FRMD4A: variants seen among roughly 807,000 people sequenced by gnomAD.
The protein encoded by FRMD4A is FERM domain-containing protein 4A.
A neutral mutation model predicts 129.1 loss-of-function variants in FRMD4A; 29 were observed. The observed-to-expected ratio is 0.22, with a 90% CI of 0.17 to 0.31. The LOEUF (loss-of-function observed/expected upper bound fraction) is 0.31. Among genes scored for constraint, FRMD4A ranks in the 10% least tolerant of loss-of-function variants. The pLI, the probability that FRMD4A is intolerant of heterozygous loss-of-function variation, is 1.00. For synonymous variants in FRMD4A, 634 were observed against 571.6 expected (o/e 1.11, Z -1.56); for missense variants, 1,272 against 1,375.8 (o/e 0.92, Z 1.19).
rs555316062 is a variant in FRMD4A, at chr10:14,246,885, G to A, written c.45+83173C>T. ...AGGGAGTGTGAGACAGGAAGGGAAGGGGTGCCCAGGGACCCAGGCAAGGAA... is the reference window on the plus strand; with the variant it reads ...AGGGAGTGTGAGACAGGAAGGGAAGAGGTGCCCAGGGACCCAGGCAAGGAA... On this transcript the variant is annotated intron_variant, in intron 2 of 24. Coordinates refer to ENST00000357447, the MANE Select transcript of FRMD4A (RefSeq NM_018027.5). Among the ~76,000 whole-genome samples, 4 of 152,216 alleles carry A rather than the reference G, an allele frequency of 2.6e-5. No homozygotes were observed. The East Asian group carries it at 7.7e-4, about 29-fold the overall frequency.
chr10:13,761,992 C>A (rs948365649), intron 7 of FRMD4A, among the ~76,000 whole-genome samples: 2 of 152,172 alleles, frequency 1.3e-5, no homozygotes. Flanking sequence ...CTGGATAGAA[C>A]TGTCGATTTC....
intron 8 of FRMD4A, among the ~76,000 whole-genome samples, chr10:13,753,464 T>C (rs1218270169): frequency 2.0e-5 from 3 of 151,948 alleles, no homozygotes; most frequent in Admixed American, 1.3e-4. Context: ...GCATGAATCA[T>C]AGATAAATCA....
chr10:13,755,762 G>A (rs971224633), intron 8 of FRMD4A, among the ~76,000 whole-genome samples: 13 of 152,172 alleles, frequency 8.5e-5, no homozygotes, highest in Non-Finnish European at 1.9e-4. Context: ...TTTCTTAGCC[G>A]ACACTCACTA....
At chr10:14,161,207 C>A (rs1449695490) in intron 2 of FRMD4A, among the ~76,000 whole-genome samples, 1 of 152,176 alleles carries the variant, frequency 6.6e-6, no homozygotes, top group Non-Finnish European at 1.5e-5. Flanking sequence ...CCACCCGCCT[C>A]GGCCTCCCAA....
intron 2 of FRMD4A, among the ~76,000 whole-genome samples, chr10:14,124,199 CAA>C (rs1184295150): frequency 6.6e-6 from 1 of 152,140 alleles, no homozygotes; most frequent in East Asian, 1.9e-4. Context: ...TCAGGAGACA[CAA>C]GTTTTAATTC....
intron 2 of FRMD4A, among the ~76,000 whole-genome samples, chr10:13,962,170 G>T (rs2095449959): frequency 6.6e-6 from 1 of 152,164 alleles, no homozygotes; most frequent in Non-Finnish European, 1.5e-5. Context: ...TTTATTGAAA[G>T]AGACTACTCC....
chr10:14,156,370 C>T (rs1840602061), intron 2 of FRMD4A, among the ~76,000 whole-genome samples: 1 of 152,220 alleles, frequency 6.6e-6, no homozygotes, highest in African/African-American at 2.4e-5. Context: ...CAGTGACTCT[C>T]ACACTAAAAC....
chr10:13,698,996 G>A (rs1478553736), intron 14 of FRMD4A, among the ~76,000 whole-genome samples: 4 of 59,020 alleles, frequency 6.8e-5, no homozygotes, highest in Non-Finnish European at 1.4e-4. Context: ...TAATGCTATG[G>A]GGCATTTGGT....
chr10:13,694,992 A>G (rs1456646558), intron 14 of FRMD4A, among the ~76,000 whole-genome samples: 2 of 152,172 alleles, frequency 1.3e-5, no homozygotes, highest in Admixed American at 6.5e-5. Flanking sequence ...ACCTAAGTAC[A>G]TGTTGCCCTA....
intron 2 of FRMD4A, among the ~76,000 whole-genome samples, chr10:14,099,778 C>G (rs926993522): frequency 6.6e-6 from 1 of 152,028 alleles, no homozygotes; most frequent in East Asian, 1.9e-4. Flanking sequence ...AATGATGGAG[C>G]CTGATAATTT....
chr10:13,688,314 T>A (rs1303198430), intron 15 of FRMD4A, among the ~76,000 whole-genome samples: 1 of 151,994 alleles, frequency 6.6e-6, no homozygotes, highest in Non-Finnish European at 1.5e-5. Context: ...AAACACCGCA[T>A]GTTCTCACTC....
At chr10:14,325,109 G>A (rs148552562) in intron 2 of FRMD4A, among the ~76,000 whole-genome samples, 71 of 152,256 alleles carry the variant, frequency 4.7e-4, no homozygotes, top group Non-Finnish European at 6.8e-4. Flanking sequence ...ATCTGCAAAC[G>A]CACTTTGAAA....
intron 2 of FRMD4A, among the ~76,000 whole-genome samples, chr10:14,107,214 G>A (rs1463432546): frequency 6.6e-6 from 1 of 152,112 alleles, no homozygotes; most frequent in Non-Finnish European, 1.5e-5. Context: ...GGGAGAGAGG[G>A]AAGGGACAAG....
chr10:13,864,867 G>C (rs577292194), intron 2 of FRMD4A, among the ~76,000 whole-genome samples: 3 of 152,128 alleles, frequency 2.0e-5, no homozygotes, highest in Admixed American at 6.5e-5. Flanking sequence ...GTGAGCCACC[G>C]CACCTGGCCT....
At chr10:13,666,788 C>T (rs1205676835) in intron 17 of FRMD4A, among the ~76,000 whole-genome samples, 2 of 152,164 alleles carry the variant, frequency 1.3e-5, no homozygotes, top group Non-Finnish European at 2.9e-5. Flanking sequence ...ATGCACGGGC[C>T]TCTGACTCTC....
intron 2 of FRMD4A, among the ~76,000 whole-genome samples, chr10:14,124,608 G>A (rs144656674): frequency 1.2e-4 from 19 of 152,198 alleles, no homozygotes; most frequent in Admixed American, 8.5e-4. Context: ...CCCAGGAGGC[G>A]GAGGTTGCAG....
chr10:13,720,723 A>G (rs1380528663), intron 12 of FRMD4A, among the ~76,000 whole-genome samples: 1 of 152,226 alleles, frequency 6.6e-6, no homozygotes, highest in East Asian at 1.9e-4. Flanking sequence ...GTGAAGTGAC[A>G]TCGAGTCAAT....
intron 2 of FRMD4A, among the ~76,000 whole-genome samples, chr10:14,068,203 G>A (rs1400623070): frequency 1.3e-5 from 2 of 152,212 alleles, no homozygotes; most frequent in African/African-American, 4.8e-5. Flanking sequence ...TCAGAGCCAG[G>A]CTGGGGGCGC....
At chr10:14,161,329 A>T (rs1256107630) in intron 2 of FRMD4A, among the ~76,000 whole-genome samples, 1 of 152,248 alleles carries the variant, frequency 6.6e-6, no homozygotes, top group African/African-American at 2.4e-5. Context: ...TATTTATCCA[A>T]AGGAAAGGAA....
Sources: gnomAD v4.1 joint callset for allele counts (sites outside exome capture counted in the v4.1 genomes callset) on GRCh38, gnomAD v4.1.1 for gene constraint, MANE v1.5 for transcripts, NCBI Gene and HGNC (gene_info 2026-07-23, HGNC 2026-07-21) for gene names.